KMT2A: variants seen among roughly 807,000 people sequenced by gnomAD.
KMT2A encodes lysine methyltransferase 2A.
In KMT2A, 16 loss-of-function variants were observed where a neutral mutation model predicts 345.3. That is an observed-to-expected ratio of 0.05 (90% CI 0.03 to 0.07). The LOEUF (loss-of-function observed/expected upper bound fraction) is 0.07. Ranked by LOEUF, KMT2A falls within the 10% of genes least tolerant of loss-of-function variation. The probability of loss-of-function intolerance (pLI) is 1.00; values close to 1 mark genes in which losing one functional copy is unlikely to be tolerated. For missense variants in KMT2A, 3,272 were observed against 4,841.6 expected, an observed-to-expected ratio of 0.68 and a Z score of 9.62; for synonymous variants, 1,599 against 1,778.6, an observed-to-expected ratio of 0.90 and a Z score of 2.54.
chr11:118,491,692 C>T lies in KMT2A; in HGVS notation c.4820-52C>T. 2.9e-6 allele frequency: 4 copies of T among 1,375,724 alleles called. No homozygotes were observed. The highest frequency in any genetic ancestry group is 2.2e-5 in the Admixed American group (1 of 45,354). The allele number at this position is 1,375,724 out of a possible 1,614,324, so 85.2% of individuals were successfully genotyped here. A position where few individuals can be genotyped will look rare whatever the true frequency, so the allele number is the denominator to read the frequency against. On this transcript the variant is annotated intron_variant, in intron 14 of 35. Transcript: ENST00000534358. The surrounding 1 kb of genome is among the most constrained non-coding windows in gnomAD (Gnocchi z 4.2). ...TCAGTGGAATAGTTTCCTCTTCTTC[C>T]TCTCTCTCATTCTTCAGAGGACCTC... is the stretch of plus-strand genomic sequence containing the variant.
At chr11:118,448,980 C>T (rs1949476244) in intron 1 of KMT2A, 2 of 152,196 alleles carry the variant, frequency 1.3e-5, no homozygotes, top group Admixed American at 6.5e-5. Context: ...ATTCATAAAA[C>T]TGCTTGTATA....
rs145943534 is a variant in KMT2A at position 118,503,932 on chromosome 11, C to A, written c.8040C>A (p.Asp2680Glu). Residue 2680 changes from aspartate (D) to glutamate (E), a missense_variant, in exon 27 of 36, where the codon GAC (aspartate) becomes GAA (glutamate). Around this residue, in one of 27 missense-constraint regions of KMT2A, gnomAD observed 47 missense variants for 53.6 expected, o/e 0.88. Transcript: ENST00000534358. This position sits in a 1 kb window ranked among gnomAD's most constrained non-coding sequence, Gnocchi z 5.3. Reference protein sequence around the residue: ...GADDLSTSDEDDLYYYNFTRT... With the variant: ...GADDLSTSDEEDLYYYNFTRT... The stretch of plus-strand genomic sequence containing the variant: ...ATGACTTAAGCACTTCAGATGAAGA[C>A]GACTTATACTATTACAACTTCACTA... 2.5e-6 allele frequency: 4 copies of A among 1,614,058 alleles called. No homozygotes were observed. The highest frequency in any genetic ancestry group is 3.4e-6 in the Non-Finnish European group (4 of 1,179,992).
chr11:118,488,846 G>T, intron 11 of KMT2A, 86 bp downstream of exon 11: 1 of 1,288,476 alleles, frequency 7.8e-7, no homozygotes. Flanking sequence ...TGGATTGAAT[G>T]TATCTGGGAA....
chr11:118,482,324 T>A, intron 7 of KMT2A, 98 bp from the exon 8 acceptor site: 1 of 853,370 alleles, frequency 1.2e-6, no homozygotes, highest in African/African-American at 1.8e-5. Context: ...TTTAAATAGT[T>A]TTTTTTTTTT....
intron 24 of KMT2A, 81 bp from the exon 25 acceptor site, chr11:118,500,906 G>A (rs113814572): frequency 4.5e-6 from 5 of 1,122,048 alleles, no homozygotes; most frequent in African/African-American, 3.1e-5. Context: ...GGGAACCTAG[G>A]ATAAAGAGAG....
chr11:118,439,925 CT>C lies in KMT2A; in HGVS notation c.432+2996del, dbSNP rs782040203. Among the ~76,000 whole-genome samples, 1,055 of 139,486 alleles carry C rather than the reference CT, an allele frequency of 7.6e-3. 1 individual carries two copies. The highest frequency in any genetic ancestry group is 9.9e-3 in the African/African-American group (378 of 38,082). The allele number at this position is 139,486 out of a possible 152,430, so 91.5% of individuals were successfully genotyped here. On this transcript the variant is annotated intron_variant, in intron 1 of 35. Coordinates refer to ENST00000534358, the MANE Select transcript of KMT2A (RefSeq NM_001197104.2). Reference sequence around the variant, plus strand: ...GTAGTTTTCAGTGTAGAAGCAAGCACTTTTTTTTTTTTTTTAACATAGCCTT... The same window carrying C: ...GTAGTTTTCAGTGTAGAAGCAAGCACTTTTTTTTTTTTTTAACATAGCCTT...
Position 118,524,001 on chromosome 11 carries a change from G to A in KMT2A, c.*1829G>A. ...TTTCCGGCGCAACTTCCAGAGTGGT[G>A]GGAGACGGCAATCTTTACATTTCCC... On this transcript the variant is annotated 3_prime_UTR_variant, in exon 36 of 36. Coordinates refer to ENST00000534358, the MANE Select transcript of KMT2A (RefSeq NM_001197104.2). 2 of 202,662 alleles carry A rather than the reference G, an allele frequency of 9.9e-6. No homozygotes were observed. Among genetic ancestry groups the A allele is most frequent in the East Asian group, 1.5e-4 (2 of 13,240 alleles). 12.6% of individuals were successfully genotyped at this position (202,662 alleles called of 1,614,324 possible).
Position 118,494,530 on chromosome 11 carries a change from C to G in KMT2A, c.5289+132C>G. On this transcript the variant is annotated intron_variant, in intron 17 of 35. Coordinates refer to ENST00000534358, the MANE Select transcript of KMT2A (RefSeq NM_001197104.2). This position sits in a 1 kb window ranked among gnomAD's most constrained non-coding sequence, Gnocchi z 5.8. Reference sequence around the variant, plus strand: ...AACATCTTTGGTTTAATTTGATCCCCTGATTCTTTGAGAGGAACTTGGTGA... The same window carrying G: ...AACATCTTTGGTTTAATTTGATCCCGTGATTCTTTGAGAGGAACTTGGTGA... 4.8e-6 allele frequency: 4 copies of G among 826,176 alleles called. No individual in the cohort carries two copies. The highest frequency in any genetic ancestry group is 7.8e-6 in the Non-Finnish European group (4 of 514,360). 51.2% of individuals were successfully genotyped at this position (826,176 alleles called of 1,614,324 possible).
At position 118,502,784 on chromosome 11, in the gene KMT2A, G is replaced by C; in HGVS notation, c.6892G>C (p.Asp2298His). 1.2e-6 allele frequency: 2 copies of C among 1,614,172 alleles called. No homozygotes were observed. Among genetic ancestry groups the C allele is most frequent in the Non-Finnish European group, 1.7e-6 (2 of 1,180,040 alleles). Residue 2298 changes from aspartate to histidine, a missense_variant, in exon 27 of 36, where the codon GAC becomes CAC. By Grantham distance (81) the Asp-to-His change is moderately conservative (BLOSUM62 -1). This residue lies in a region of KMT2A where 445 missense variants were observed against 500.9 expected (regional missense o/e 0.89). Transcript: ENST00000534358. This position sits in a 1 kb window ranked among gnomAD's most constrained non-coding sequence, Gnocchi z 4.9. ...SSEMKQSSAS[D>H]LVSKSSSLKG... is the part of the protein sequence containing the mutation. ...AGAAATGAAGCAGTCCAGTGCTTCA[G>C]ACTTGGTGTCCAAGAGCTCCTCTTT...
intron 1 of KMT2A, among the ~76,000 whole-genome samples, chr11:118,445,847 A>T (rs182531430): frequency 6.6e-6 from 1 of 151,870 alleles, no homozygotes; most frequent in Non-Finnish European, 1.5e-5. Flanking sequence ...TACTAAAAAT[A>T]CAAAAATTAG....
At chr11:118,519,510 C>A in intron 31 of KMT2A, 108 bp from the exon 32 acceptor site, 1 of 941,632 alleles carries the variant, frequency 1.1e-6, no homozygotes, top group Non-Finnish European at 1.7e-6. Flanking sequence ...TATAATTCAC[C>A]CTGGAGCAGC....
rs983841001 is a variant in KMT2A at position 118,490,148 on chromosome 11, G to A, written c.4595G>A (p.Arg1532His). ...KKVWICTKCV[R>H]CKSCGSTTPG... ...TTCTAGATCTGTACCAAGTGTGTTC[G>A]CTGTAAGAGCTGTGGATCCACAACT... Residue 1532 changes from arginine to histidine, a missense_variant, in exon 13 of 36, where the codon CGC becomes CAC. Physicochemically the swap from Arg to His is conservative, Grantham distance 29 (BLOSUM62 0). Transcript: ENST00000534358. This position sits in a 1 kb window ranked among gnomAD's most constrained non-coding sequence, Gnocchi z 4.2. 36 of 1,609,770 alleles carry A rather than the reference G, an allele frequency of 2.2e-5. No individual in the cohort carries two copies. Among genetic ancestry groups the A allele is most frequent in the African/African-American group, 6.7e-5 (5 of 74,470 alleles).
chr11:118,447,883 T>C (rs1419299995), intron 1 of KMT2A: 18 of 223,428 alleles, frequency 8.1e-5, no homozygotes, highest in Non-Finnish European at 1.6e-4. Context: ...AAAGAACTTA[T>C]TGGTAATGAT....
intron 29 of KMT2A, 105 bp downstream of exon 29, chr11:118,509,305 C>A: frequency 3.3e-6 from 3 of 906,716 alleles, no homozygotes; most frequent in Non-Finnish European, 5.0e-6. Context: ...AAAAAAAAAT[C>A]TAAGCTCCAA....
chr11:118,479,361 CAG>C (rs2134291373), intron 5 of KMT2A, among the ~76,000 whole-genome samples: 1 of 152,252 alleles, frequency 6.6e-6, no homozygotes, highest in South Asian at 2.1e-4. Flanking sequence ...GTAGCATAAA[CAG>C]AAATTTTGGT....
Position 118,495,887 on chromosome 11 carries a change from A to G in KMT2A, c.5551A>G (p.Ile1851Val), listed in dbSNP as rs1436409376. Residue 1851 changes from isoleucine to valine, a missense_variant, in exon 19 of 36, where the codon ATT becomes GTT. Coordinates refer to ENST00000534358, the MANE Select transcript of KMT2A (RefSeq NM_001197104.2). The surrounding 1 kb of genome is among the most constrained non-coding windows in gnomAD (Gnocchi z 4.1). ...PTPLHPPTPP[I>V]LSTDRSREDS... ...TCCTCTGCATCCTCCTACACCACCA[A>G]TTTTGAGTAAGCCACCAAAAGGAGA... The G allele has an allele frequency of 1.2e-6, 2 of 1,601,048 alleles. No individual in the cohort carries two copies. The highest frequency in any genetic ancestry group is 1.7e-6 in the Non-Finnish European group (2 of 1,173,164).
intron 1 of KMT2A, among the ~76,000 whole-genome samples, chr11:118,452,499 T>C (rs1418401302): frequency 6.6e-6 from 1 of 152,124 alleles, no homozygotes; most frequent in Non-Finnish European, 1.5e-5. Context: ...ACCACTGCAC[T>C]CCAGCCTGGG....
rs1555035749 is a variant in KMT2A, at chr11:118,472,159, A to G, written c.1000A>G (p.Lys334Glu). 1.4e-5 allele frequency: 22 copies of G among 1,614,000 alleles called. No individual in the cohort carries two copies. The highest frequency in any genetic ancestry group is 2.7e-5 in the African/African-American group (2 of 74,922). ...LEKPQKVRKD[K>E]EGTPPLTKED... ...AAAGCCCCAGAAAGTCCGGAAAGAC[A>G]AGGAAGGAACACCTCCACTTACAAA... The change falls in exon 3 of 36, where the codon AAG (lysine) becomes GAG (glutamate). Residue 334 changes from lysine to glutamate, a missense_variant. Physicochemically the swap from Lys to Glu is moderately conservative, Grantham distance 56. Transcript: ENST00000534358.
Position 118,491,176 on chromosome 11 carries a change from A to G in KMT2A, c.4697-20A>G. On this transcript the variant is annotated intron_variant, in intron 13 of 35. Transcript: ENST00000534358. This position sits in a 1 kb window ranked among gnomAD's most constrained non-coding sequence, Gnocchi z 4.2. ...GGTATGTGAGCCAAAGCACTGCTGT[A>G]AACTTTGCTTTGCTTTCAGGAAACT... 6.2e-7 allele frequency: 1 copy of G among 1,612,298 alleles called. No individual in the cohort carries two copies. Among genetic ancestry groups the G allele is most frequent in the Non-Finnish European group, 8.5e-7 (1 of 1,179,266 alleles).
Sources: allele counts gnomAD v4.1 joint callset (sites outside exome capture counted in the v4.1 genomes callset), GRCh38; gene constraint gnomAD v4.1.1; regional missense constraint gnomAD v4.1.1; non-coding constraint Gnocchi (gnomAD v3.1); transcripts MANE v1.5; gene names NCBI Gene and HGNC (gene_info 2026-07-23, HGNC 2026-07-21).